The following CSMD1 variants were observed in gnomAD, a reference collection of about 807,000 sequenced individuals.
The protein encoded by CSMD1 is CUB and Sushi multiple domains 1.
A neutral mutation model predicts 417.5 loss-of-function variants in CSMD1; 213 were observed. The ratio of observed to expected loss-of-function variants is 0.51; its 90% confidence interval spans 0.46 to 0.57. The LOEUF (loss-of-function observed/expected upper bound fraction) is 0.57. Among genes scored for constraint, CSMD1 ranks in the 20% least tolerant of loss-of-function variants. The pLI is 0.00. For missense variants in CSMD1, 6,923 were observed against 4,529.7 expected, an observed-to-expected ratio of 1.53 and a Z score of -15.17; for synonymous variants, 2,862 against 1,736.8, an observed-to-expected ratio of 1.65 and a Z score of -16.11.
intron 7 of CSMD1, among the ~76,000 whole-genome samples, chr8:3,670,351 C>T (rs1000763027): frequency 2.0e-5 from 3 of 151,896 alleles, no homozygotes; most frequent in African/African-American, 4.8e-5. Context: ...TTTTGGGACT[C>T]GGGCTGGCTC....
At chr8:3,179,506 G>C (rs144228530) in intron 37 of CSMD1, among the ~76,000 whole-genome samples, 71 of 152,228 alleles carry the variant, frequency 4.7e-4, no homozygotes, top group African/African-American at 1.7e-3. Context: ...ATATTGTCTA[G>C]GAATAAAGAG....
intron 6 of CSMD1, among the ~76,000 whole-genome samples, chr8:3,722,477 G>C (rs1381516656): frequency 1.3e-5 from 2 of 152,134 alleles, no homozygotes; most frequent in Non-Finnish European, 2.9e-5. Flanking sequence ...AGACAGATCT[G>C]AAACCATTCT....
intron 1 of CSMD1, among the ~76,000 whole-genome samples, chr8:4,864,046 A>G (rs1802287919): frequency 6.6e-6 from 1 of 152,024 alleles, no homozygotes; most frequent in Non-Finnish European, 1.5e-5. Context: ...TATTTCATGG[A>G]CCACTTTTTG....
At chr8:4,089,640 G>C (rs954722894) in intron 3 of CSMD1, among the ~76,000 whole-genome samples, 5 of 152,220 alleles carry the variant, frequency 3.3e-5, no homozygotes, top group African/African-American at 4.8e-5. Flanking sequence ...TAAGGAATAA[G>C]TGAAGAAATA....
At chr8:3,779,664 T>C (rs1440894648) in intron 5 of CSMD1, among the ~76,000 whole-genome samples, 2 of 152,202 alleles carry the variant, frequency 1.3e-5, no homozygotes, top group East Asian at 1.9e-4. Flanking sequence ...TGCAATGATA[T>C]GACATTTAAA....
intron 3 of CSMD1, among the ~76,000 whole-genome samples, chr8:4,208,101 G>A (rs542545797): frequency 6.6e-6 from 1 of 152,048 alleles, no homozygotes; most frequent in Non-Finnish European, 1.5e-5. Flanking sequence ...GCAATATCAG[G>A]ACAAGCAATT....
intron 10 of CSMD1, among the ~76,000 whole-genome samples, chr8:3,568,455 G>A (rs772319243): frequency 3.4e-4 from 52 of 152,130 alleles, no homozygotes; most frequent in Non-Finnish European, 5.7e-4. Flanking sequence ...TCAGTAAGAT[G>A]TACTAACGTT....
intron 5 of CSMD1, among the ~76,000 whole-genome samples, chr8:3,968,686 A>T (rs2407196): frequency 0.71 from 107,845 of 151,960 alleles, 38,892 homozygotes; most frequent in East Asian, 0.93. Context: ...TTAGTCATTA[A>T]GCTTGCTCTT....
intron 12 of CSMD1, among the ~76,000 whole-genome samples, chr8:3,446,018 T>C (rs1288950502): frequency 6.6e-6 from 1 of 152,090 alleles, no homozygotes; most frequent in Non-Finnish European, 1.5e-5. Context: ...AAAAATACTG[T>C]CCCGGGCCCG....
chr8:4,330,865 G>A (rs1032252244), intron 3 of CSMD1, among the ~76,000 whole-genome samples: 10 of 152,118 alleles, frequency 6.6e-5, no homozygotes, highest in Admixed American at 6.5e-4. Flanking sequence ...CTACAGCTCA[G>A]CAGGAATGTC....
intron 37 of CSMD1, among the ~76,000 whole-genome samples, chr8:3,173,490 T>A (rs186531288): frequency 2.6e-5 from 4 of 152,190 alleles, no homozygotes. Flanking sequence ...AACTGTGAAG[T>A]TGAAGGTGGG....
chr8:3,552,989 G>C (rs1045126402), intron 10 of CSMD1, among the ~76,000 whole-genome samples: 2 of 152,088 alleles, frequency 1.3e-5, no homozygotes, highest in African/African-American at 4.8e-5. Context: ...CACATATTTA[G>C]ACCTGTCACG....
At chr8:4,465,601 C>T (rs1174463437) in intron 2 of CSMD1, among the ~76,000 whole-genome samples, 1 of 152,236 alleles carries the variant, frequency 6.6e-6, no homozygotes, top group African/African-American at 2.4e-5. Flanking sequence ...AGAAGTCAGA[C>T]GTTGAGGATT....
intron 1 of CSMD1, among the ~76,000 whole-genome samples, chr8:4,857,590 C>T (rs914543530): frequency 9.2e-5 from 14 of 151,994 alleles, no homozygotes; most frequent in Admixed American, 1.3e-4. Context: ...ATATCACCAC[C>T]GATCCCACAG....
chr8:3,639,818 C>G (rs1427704166), intron 7 of CSMD1, among the ~76,000 whole-genome samples: 2 of 152,002 alleles, frequency 1.3e-5, no homozygotes, highest in Non-Finnish European at 2.9e-5. Flanking sequence ...GGGCAATGGA[C>G]CTAAAGCAAA....
chr8:3,250,939 G>A (rs1800209744), intron 26 of CSMD1, among the ~76,000 whole-genome samples: 2 of 152,082 alleles, frequency 1.3e-5, no homozygotes, highest in South Asian at 4.1e-4. Context: ...ATTTGTTTGA[G>A]TTCATTGTAG....
Position 2,941,766 on chromosome 8 carries a change from T to A in CSMD1, c.10535+706A>T, listed in dbSNP as rs143428993. ...ACATATAAAGAGCTAAATTTGTATT[T>A]GTTGAAGAAAGAAATCAATGAAACA... On this transcript the variant is annotated intron_variant, in intron 69 of 69. Coordinates refer to ENST00000635120, the MANE Select transcript of CSMD1 (RefSeq NM_033225.6). Among the ~76,000 whole-genome samples the A allele has an allele frequency of 5.3e-5, 8 of 152,320 alleles. No individual in the cohort carries two copies. The East Asian group carries it at 1.5e-3, about 29-fold the overall frequency.
chr8:3,192,623 A>G (rs1796492457), intron 33 of CSMD1, among the ~76,000 whole-genome samples: 2 of 152,216 alleles, frequency 1.3e-5, no homozygotes, highest in Non-Finnish European at 2.9e-5. Flanking sequence ...CACAACGGAG[A>G]AGTCCTGGTG....
chr8:3,817,078 G>C (rs1025753088), intron 5 of CSMD1, among the ~76,000 whole-genome samples: 2 of 151,892 alleles, frequency 1.3e-5, no homozygotes, highest in African/African-American at 2.4e-5. Flanking sequence ...ATAATCTGTT[G>C]AGATGAGGTC....
Sources: allele counts gnomAD v4.1 joint callset (sites outside exome capture counted in the v4.1 genomes callset), GRCh38; gene constraint gnomAD v4.1.1; transcripts MANE v1.5; gene names NCBI Gene and HGNC (gene_info 2026-07-23, HGNC 2026-07-21).